The following NCOR2 variants were observed in gnomAD, a reference collection of about 807,000 sequenced individuals.
The protein encoded by NCOR2 is nuclear receptor corepressor 2, also known as CTG repeat protein 26.
Under a neutral mutation model 262.9 loss-of-function variants are expected in NCOR2, and 81 were observed. The observed-to-expected ratio is 0.31, with a 90% CI of 0.26 to 0.37. NCOR2 has a LOEUF of 0.37. NCOR2 is among the 10% of genes least tolerant of loss of function. The probability of loss-of-function intolerance (pLI) is 1.00; values close to 1 mark genes in which losing one functional copy is unlikely to be tolerated. For synonymous variants in NCOR2, 1,659 were observed against 1,559.3 expected, an observed-to-expected ratio of 1.06 and a Z score of -1.51; for missense variants, 3,385 against 3,621.4, an observed-to-expected ratio of 0.93 and a Z score of 1.68.
rs181635004 is a variant in NCOR2, at chr12:124,461,686, C to T, written c.705+4487G>A. Among the ~76,000 whole-genome samples, 24 of 152,348 alleles carry T rather than the reference C, an allele frequency of 1.6e-4. No homozygotes were observed. In the East Asian group the frequency reaches 4.6e-3, roughly 29 times the overall value. On this transcript the variant is annotated intron_variant, in intron 5 of 46. Coordinates refer to ENST00000405201, the Ensembl canonical transcript of NCOR2. ...GATGTAACCACACCCGCCCCACACC[C>T]GCCATCTCACGCACATCCACCTGTA...
At position 124,495,068 on chromosome 12, in the gene NCOR2, A is replaced by C; in HGVS notation, c.105+79T>G. The C allele has an allele frequency of 6.5e-7, 1 of 1,529,708 alleles. No individual in the cohort carries two copies. Among genetic ancestry groups the C allele is most frequent in the Non-Finnish European group, 8.8e-7 (1 of 1,130,138 alleles). The allele number at this position is 1,529,708 out of a possible 1,614,324, so 94.8% of individuals were successfully genotyped here. A position where few individuals can be genotyped will look rare whatever the true frequency, so the allele number is the denominator to read the frequency against. On this transcript the variant is annotated intron_variant, in intron 1 of 46. Coordinates refer to ENST00000405201, the Ensembl canonical transcript of NCOR2. This position sits in a 1 kb window ranked among gnomAD's most constrained non-coding sequence, Gnocchi z 4.4. The stretch of plus-strand genomic sequence containing the variant: ...CCACATGAGCCTGGCTCCCAGGAGA[A>C]AGGAAGGGGTGAAGACTCAGTGGAA...
intron 1 of NCOR2, among the ~76,000 whole-genome samples, chr12:124,488,187 C>T (rs918341408): frequency 2.0e-5 from 3 of 152,106 alleles, no homozygotes; most frequent in African/African-American, 7.2e-5. Flanking sequence ...CAGGTGGGTG[C>T]GTTGATAATG....
intron 44 of NCOR2, among the ~76,000 whole-genome samples, chr12:124,329,598 C>T (rs139959877): frequency 3.9e-5 from 6 of 152,038 alleles, no homozygotes; most frequent in African/African-American, 4.8e-5. Flanking sequence ...AAAAATTACT[C>T]GGGTGCAGTG....
intron 13 of NCOR2, among the ~76,000 whole-genome samples, chr12:124,407,768 T>A (rs907460637): frequency 6.6e-6 from 1 of 152,244 alleles, no homozygotes; most frequent in Admixed American, 6.5e-5. Flanking sequence ...ATGCACTCAT[T>A]CAACAAACAC....
At chr12:124,401,640 G>A (rs2041991524) in intron 14 of NCOR2, among the ~76,000 whole-genome samples, 1 of 152,250 alleles carries the variant, frequency 6.6e-6, no homozygotes, top group South Asian at 2.1e-4. Flanking sequence ...TGTGGTGTGT[G>A]GGGGTGCTCA....
chr12:124,386,020 T>C (rs2040776073), intron 16 of NCOR2, 133 bp from the exon 19 acceptor site: 1 of 1,158,578 alleles, frequency 8.6e-7, no homozygotes, highest in Admixed American at 2.8e-5. Context: ...GCCCAGGACC[T>C]CTGGAAGAAG....
Position 124,566,507 on chromosome 12 carries a change from G to A in NCOR2, c.-165+801C>T, listed in dbSNP as rs12316085. On this transcript the variant is annotated intron_variant, in intron 1 of 32. Coordinates refer to the NCOR2 transcript ENST00000458234. This position sits in a 1 kb window ranked among gnomAD's most constrained non-coding sequence, Gnocchi z 4.3. ...GGGGCGGGGAGGGCGTACCCCACGG[G>A]TGCCCTCACTCCCCGCAGGCCTCTG... Among the ~76,000 whole-genome samples, 6,856 of 152,306 alleles carry A rather than the reference G, an allele frequency of 0.045. 190 individuals carry two copies. Among genetic ancestry groups the A allele is most frequent in the Middle Eastern group, 0.095 (28 of 294 alleles).
chr12:124,340,228 C>G, intron 36 of NCOR2, 24 bp from the exon 39 acceptor site: 5 of 1,605,274 alleles, frequency 3.1e-6, no homozygotes, highest in Non-Finnish European at 4.2e-6. Context: ...GTGGCATCAG[C>G]AGGGGGAGGC....
At chr12:124,396,091 G>GTA (rs1459966878) in intron 16 of NCOR2, among the ~76,000 whole-genome samples, 2 of 152,158 alleles carry the variant, frequency 1.3e-5, no homozygotes, top group Admixed American at 6.5e-5. Context: ...GCCACAAACT[G>GTA]TAGGATTCCA....
intron 40 of NCOR2, 159 bp downstream of exon 42, chr12:124,334,976 T>C: frequency 1.8e-6 from 2 of 1,106,386 alleles, no homozygotes; most frequent in South Asian, 1.4e-5. Context: ...GGCTTTGGGA[T>C]CTCACCCTCA....
At chr12:124,348,037 G>T in intron 29 of NCOR2, 126 bp from the exon 32 acceptor site, 3 of 1,463,450 alleles carry the variant, frequency 2.0e-6, no homozygotes, top group South Asian at 1.3e-5. Context: ...GACCCAGCAC[G>T]GGAAGGTCCC....
At position 124,503,969 on chromosome 12, in the gene NCOR2, C is replaced by T. The variant is rs569437336; in HGVS notation, c.-117-8601G>A. Among the ~76,000 whole-genome samples the T allele has an allele frequency of 1.3e-5, 2 of 152,264 alleles. No individual in the cohort carries two copies. The highest frequency in any genetic ancestry group is 4.8e-5 in the African/African-American group (2 of 41,532). ...GAAAGGCACTGTCGCCTTCAGGAAC[C>T]CCCAAACCCATATAACTGCTCCCCA... On this transcript the variant is annotated intron_variant, in intron 1 of 46. Transcript: ENST00000404621. The surrounding 1 kb of genome is among the most constrained non-coding windows in gnomAD (Gnocchi z 4.3).
At chr12:124,501,519 C>G (rs1354422776) in intron 1 of NCOR2, among the ~76,000 whole-genome samples, 1 of 152,180 alleles carries the variant, frequency 6.6e-6, no homozygotes, top group Non-Finnish European at 1.5e-5. Flanking sequence ...CCTACTTCCT[C>G]ACTCCTCCAG....
chr12:124,497,629 C>T (rs1350265895), upstream of NCOR2, among the ~76,000 whole-genome samples: 1 of 152,234 alleles, frequency 6.6e-6, no homozygotes, highest in African/African-American at 2.4e-5. This position sits in a 1 kb window ranked among gnomAD's most constrained non-coding sequence, Gnocchi z 4.2. Context: ...CACAAACGCA[C>T]TCCCACACAC....
chr12:124,346,455 C>G lies in NCOR2; in HGVS notation c.4359+109G>C, dbSNP rs2036940593. On this transcript the variant is annotated intron_variant, in intron 31 of 46. Coordinates refer to ENST00000405201, the Ensembl canonical transcript of NCOR2. Reference sequence around the variant, plus strand: ...AGCAGCTGGGTGACTGTAAGGTACGCGAGGGCTCTCAGCCTCGGTTTCCCC... The same window carrying G: ...AGCAGCTGGGTGACTGTAAGGTACGGGAGGGCTCTCAGCCTCGGTTTCCCC... 10 of 1,224,628 alleles carry G rather than the reference C, an allele frequency of 8.2e-6. No individual in the cohort carries two copies. In the South Asian group the frequency reaches 1.4e-4, roughly 18 times the overall value. 75.9% of individuals were successfully genotyped at this position (1,224,628 alleles called of 1,614,324 possible).
At position 124,334,429 on chromosome 12, in the gene NCOR2, G is replaced by C. The variant is rs369612880; in HGVS notation, c.6600C>G (p.Gly2200=). The C allele has an allele frequency of 1.0e-4, 158 of 1,508,478 alleles. No homozygotes were observed. Among genetic ancestry groups the C allele is most frequent in the South Asian group, 9.4e-4 (74 of 79,020 alleles). 93.4% of individuals were successfully genotyped at this position (1,508,478 alleles called of 1,614,324 possible). Residue 2200 remains glycine, a synonymous_variant, in exon 41 of 47, where the codon GGC becomes GGG. Transcript: ENST00000405201. ...CACCCCCATCCCTCGCTCACCTCTT[G>C]CCCCCTTCGCTGTGGGGGGAGCCAC...
intron 20 of NCOR2, among the ~76,000 whole-genome samples, chr12:124,370,281 C>T (rs1457057258): frequency 6.6e-6 from 1 of 152,266 alleles, no homozygotes; most frequent in Non-Finnish European, 1.5e-5. Context: ...CCGTCCACTT[C>T]TCACACGCAT....
At position 124,486,580 on chromosome 12, in the gene NCOR2, G is replaced by A. The variant is rs1284437766; in HGVS notation, c.106-12C>T. 6.4e-7 allele frequency: 1 copy of A among 1,561,180 alleles called. No individual in the cohort carries two copies. The highest frequency in any genetic ancestry group is 8.7e-7 in the Non-Finnish European group (1 of 1,154,856). Reference sequence around the variant, plus strand: ...AGGAGCCCGACGTCCTGCAGGAGGGGACAGAGGAGTGGTGAGCGTGGGCGG... The same window carrying A: ...AGGAGCCCGACGTCCTGCAGGAGGGAACAGAGGAGTGGTGAGCGTGGGCGG... On this transcript the variant is annotated splice_polypyrimidine_tract_variant and intron_variant, in intron 1 of 46. Transcript: ENST00000405201.
chr12:124,497,632 CCA>C (rs1163330950), upstream of NCOR2, among the ~76,000 whole-genome samples: 2 of 152,182 alleles, frequency 1.3e-5, no homozygotes, highest in Non-Finnish European at 2.9e-5. The surrounding 1 kb of genome is among the most constrained non-coding windows in gnomAD (Gnocchi z 4.2). Context: ...AAACGCACTC[CCA>C]CACACATGAA....
Sources: gnomAD v4.1 joint callset for allele counts (sites outside exome capture counted in the v4.1 genomes callset) on GRCh38, gnomAD v4.1.1 for gene constraint, Gnocchi (gnomAD v3.1) non-coding constraint, MANE v1.5 for transcripts, NCBI Gene and HGNC (gene_info 2026-07-23, HGNC 2026-07-21) for gene names.